Variants in SDCCAG8 observed in about 807,000 individuals in gnomAD.
SDCCAG8 encodes serologically defined colon cancer antigen 8.
Under a neutral mutation model 101.8 loss-of-function variants are expected in SDCCAG8, and 74 were observed. The observed-to-expected ratio is 0.73, with a 90% CI of 0.60 to 0.88. The LOEUF (loss-of-function observed/expected upper bound fraction) is 0.88, where lower values mean the gene tolerates loss of function less well. Ranked by LOEUF, SDCCAG8 falls within the 40% of genes least tolerant of loss-of-function variation. SDCCAG8 has a pLI of 0.00. For missense variants in SDCCAG8, 787 were observed against 822.6 expected, an observed-to-expected ratio of 0.96 and a Z score of 0.53; for synonymous variants, 281 against 292.9, an observed-to-expected ratio of 0.96 and a Z score of 0.41.
intron 16 of SDCCAG8, among the ~76,000 whole-genome samples, chr1:243,453,642 G>A (rs898256137): frequency 6.6e-5 from 10 of 152,166 alleles, no homozygotes; most frequent in South Asian, 2.1e-4. Context: ...GCCATCAATC[G>A]TATTTTGAAA....
intron 16 of SDCCAG8, among the ~76,000 whole-genome samples, chr1:243,439,489 A>G (rs1053031518): frequency 1.3e-5 from 2 of 151,926 alleles, no homozygotes; most frequent in African/African-American, 4.8e-5. Flanking sequence ...ACCAGGTGGG[A>G]TGGTGGGTGC....
rs577274470 is a variant in SDCCAG8, at chr1:243,381,762, C to T, written c.1616+2899C>T. ...AAACTCAGTTTCTACCCTTAGATTGCGCATACTCTAGTAAAGAAGCTACAT... is the reference window on the plus strand; with the variant it reads ...AAACTCAGTTTCTACCCTTAGATTGTGCATACTCTAGTAAAGAAGCTACAT... On this transcript the variant is annotated intron_variant, in intron 13 of 17. Transcript: ENST00000366541. Among the ~76,000 whole-genome samples the T allele has an allele frequency of 2.0e-4, 31 of 152,214 alleles. 1 individual carries two copies. The South Asian group carries it at 4.1e-3, about 20-fold the overall frequency.
chr1:243,482,402 G>C (rs752535342), intron 16 of SDCCAG8, among the ~76,000 whole-genome samples: 2 of 152,200 alleles, frequency 1.3e-5, no homozygotes, highest in Admixed American at 6.5e-5. Flanking sequence ...AAACCCGGGC[G>C]TGTTTGTTCC....
chr1:243,470,476 T>A (rs754966047), intron 16 of SDCCAG8, among the ~76,000 whole-genome samples: 6 of 151,758 alleles, frequency 4.0e-5, no homozygotes, highest in Non-Finnish European at 8.8e-5. Flanking sequence ...TTTTTTTTCC[T>A]TTTCCTTTTT....
rs1242245359 is a variant in SDCCAG8 at position 243,489,054 on chromosome 1, C to G, written c.2026C>G (p.Gln676Glu). The change falls in exon 17 of 18, where the codon CAG (glutamine) becomes GAG (glutamate). Residue 676 changes from glutamine to glutamate, a missense_variant. Transcript: ENST00000366541. ...TAAGCACAGCCAGGCCACAGCCCAG[C>G]AGCTGGTGCAGCTCCTCAGCAAGCA... Reference protein sequence around the residue: ...LDKHSQATAQQLVQLLSKQNQ... With the variant: ...LDKHSQATAQELVQLLSKQNQ... 2.6e-5 allele frequency: 42 copies of G among 1,613,280 alleles called. No individual in the cohort carries two copies. Among genetic ancestry groups the G allele is most frequent in the Non-Finnish European group, 3.5e-5 (41 of 1,180,012 alleles).
intron 12 of SDCCAG8, among the ~76,000 whole-genome samples, chr1:243,350,169 G>A (rs2076002141): frequency 6.6e-6 from 1 of 151,988 alleles, no homozygotes; most frequent in African/African-American, 2.4e-5. Context: ...TGTGTAAGGA[G>A]AAGAAGGCCT....
rs1328463968 is a variant in SDCCAG8, at chr1:243,486,083, G to T, written c.1986-2931G>T. ...GTTGTGGCACATGCCTGTAATTCCA[G>T]CTACTCTACTCGGGAGGCTGAGACA... is the stretch of plus-strand genomic sequence containing the variant. On this transcript the variant is annotated intron_variant, in intron 16 of 17. Transcript: ENST00000366541. 2.7e-5 allele frequency among the ~76,000 whole-genome samples: 4 copies of T among 150,480 alleles called. No individual in the cohort carries two copies. The East Asian group carries it at 5.9e-4, about 22-fold the overall frequency.
chr1:243,327,068 T>C (rs1299951765), intron 9 of SDCCAG8, among the ~76,000 whole-genome samples: 1 of 151,932 alleles, frequency 6.6e-6, no homozygotes, highest in Non-Finnish European at 1.5e-5. Context: ...GTGGGGGGAA[T>C]GTATAATTCC....
At chr1:243,438,678 C>A (rs952409455) in intron 16 of SDCCAG8, among the ~76,000 whole-genome samples, 6 of 152,136 alleles carry the variant, frequency 3.9e-5, no homozygotes, top group Admixed American at 2.6e-4. Context: ...CTGAGAGGGG[C>A]CTTTGAAGGG....
At chr1:243,437,352 C>T (rs919937710) in intron 16 of SDCCAG8, among the ~76,000 whole-genome samples, 2 of 151,982 alleles carry the variant, frequency 1.3e-5, no homozygotes. Context: ...TTAGAAGCTT[C>T]GAATCCAGTG....
chr1:243,347,568 C>G (rs563001926), intron 12 of SDCCAG8, among the ~76,000 whole-genome samples: 2 of 152,204 alleles, frequency 1.3e-5, no homozygotes, highest in African/African-American at 4.8e-5. Context: ...TTATAAAATG[C>G]CTCATTGTCA....
chr1:243,481,799 CA>C lies in SDCCAG8; in HGVS notation c.1986-7211del, dbSNP rs1663403044. Among the ~76,000 whole-genome samples the C allele has an allele frequency of 9.9e-5, 15 of 152,242 alleles. 1 individual carries two copies. The South Asian group carries it at 3.1e-3, about 32-fold the overall frequency. ...ACTACCACCAAAACCAAACCCAAAA[CA>C]AAACCCCAAAACAACAACTAAAACC... is the stretch of plus-strand genomic sequence containing the variant. On this transcript the variant is annotated intron_variant, in intron 16 of 17. Transcript: ENST00000366541.
In SDCCAG8 at chr1:243,344,269, G is replaced by T. The variant is rs775752533; in HGVS notation, c.1411G>T (p.Ala471Ser). ...LNKTNMEKDE[A>S]EKEHREFRAK... Reference sequence around the variant, plus strand: ...TAAAACCAACATGGAGAAGGATGAGGCAGAAAAGGAGCACAGAGAGTTCAG... The same window carrying T: ...TAAAACCAACATGGAGAAGGATGAGTCAGAAAAGGAGCACAGAGAGTTCAG... The change falls in exon 12 of 18, where the codon GCA becomes TCA. Residue 471 changes from alanine (A) to serine (S), a missense_variant. Transcript: ENST00000366541. 1 of 1,614,000 alleles carries T rather than the reference G, an allele frequency of 6.2e-7. No individual in the cohort carries two copies. Among genetic ancestry groups the T allele is most frequent in the Non-Finnish European group, 8.5e-7 (1 of 1,179,932 alleles).
chr1:243,336,483 G>A (rs1228223559), intron 10 of SDCCAG8, among the ~76,000 whole-genome samples: 2 of 152,184 alleles, frequency 1.3e-5, no homozygotes, highest in African/African-American at 4.8e-5. Context: ...CGGGAAGAAT[G>A]GCTGGGGAGG....
chr1:243,489,800 G>C (rs568098482), intron 17 of SDCCAG8, among the ~76,000 whole-genome samples: 2 of 152,312 alleles, frequency 1.3e-5, no homozygotes, highest in African/African-American at 4.8e-5. Flanking sequence ...GGCTAAGCCT[G>C]ACTCCACAGC....
chr1:243,439,581 C>T (rs576530326), intron 16 of SDCCAG8, among the ~76,000 whole-genome samples: 5 of 150,588 alleles, frequency 3.3e-5, no homozygotes, highest in South Asian at 2.1e-4. Flanking sequence ...GCCAAGATCA[C>T]GCCACTGCAC....
At chr1:243,348,561 T>C (rs915234840) in intron 12 of SDCCAG8, among the ~76,000 whole-genome samples, 1 of 151,912 alleles carries the variant, frequency 6.6e-6, no homozygotes, top group Non-Finnish European at 1.5e-5. Flanking sequence ...CAGGGCGGGA[T>C]AGAGGAAGCT....
At position 243,391,411 on chromosome 1, in the gene SDCCAG8, T is replaced by C. The variant is rs376550552; in HGVS notation, c.1616+12548T>C. Among the ~76,000 whole-genome samples, 3 of 152,282 alleles carry C rather than the reference T, an allele frequency of 2.0e-5. No individual in the cohort carries two copies. In the East Asian group the frequency reaches 5.8e-4, roughly 29 times the overall value. On this transcript the variant is annotated intron_variant, in intron 13 of 17. Coordinates refer to ENST00000366541, the MANE Select transcript of SDCCAG8 (RefSeq NM_006642.5). ...GCCACCAAGCAAAGGATGCAGTCAG[T>C]CTCGGGAGATGAGAGTAGGCACCAA...
intron 16 of SDCCAG8, among the ~76,000 whole-genome samples, chr1:243,465,893 G>A (rs1660037354): frequency 6.6e-6 from 1 of 152,042 alleles, no homozygotes; most frequent in Admixed American, 6.6e-5. Context: ...TTAATATCCT[G>A]GTGTACCACA....
Sources: allele counts gnomAD v4.1 joint callset (sites outside exome capture counted in the v4.1 genomes callset), GRCh38; gene constraint gnomAD v4.1.1; transcripts MANE v1.5; gene names NCBI Gene and HGNC (gene_info 2026-07-23, HGNC 2026-07-21).